The following ANKS1B variants were observed in gnomAD, a reference collection of about 807,000 sequenced individuals.
The protein encoded by ANKS1B is ankyrin repeat and sterile alpha motif domain-containing protein 1B.
In ANKS1B, 36 loss-of-function variants were observed where a neutral mutation model predicts 148.3. That is an observed-to-expected ratio of 0.24 (90% CI 0.19 to 0.32). The LOEUF (loss-of-function observed/expected upper bound fraction) is 0.32, where lower values mean the gene tolerates loss of function less well. Ranked by LOEUF, ANKS1B falls within the 10% of genes least tolerant of loss-of-function variation. The pLI, the probability that ANKS1B is intolerant of heterozygous loss-of-function variation, is 1.00. For missense variants in ANKS1B, 1,157 were observed against 1,542.6 expected (o/e 0.75, Z 4.19); for synonymous variants, 542 against 560.8 (o/e 0.97, Z 0.47).
intron 8 of ANKS1B, among the ~76,000 whole-genome samples, chr12:99,759,952 AC>A (rs139017551): frequency 0.45 from 67,487 of 151,340 alleles, 15,397 homozygotes; most frequent in South Asian, 0.61. Context: ...ATTAGAAAGA[AC>A]AAAAGTATCA....
At chr12:99,704,178 T>G (rs1357103543) in intron 8 of ANKS1B, among the ~76,000 whole-genome samples, 2 of 151,828 alleles carry the variant, frequency 1.3e-5, no homozygotes, top group Non-Finnish European at 2.9e-5. Flanking sequence ...CTCTGACAGG[T>G]GGGTTGGAGG....
chr12:99,725,589 A>AC (rs771055232), intron 8 of ANKS1B, among the ~76,000 whole-genome samples: 16 of 152,238 alleles, frequency 1.1e-4, no homozygotes, highest in Non-Finnish European at 2.1e-4. Context: ...AATATTGGAC[A>AC]CATCAATGAG....
intron 10 of ANKS1B, among the ~76,000 whole-genome samples, chr12:99,467,638 A>C (rs1051551657): frequency 1.3e-5 from 2 of 152,200 alleles, no homozygotes; most frequent in Non-Finnish European, 2.9e-5. Flanking sequence ...ATTCTTATAC[A>C]CCAATAACAG....
At chr12:99,304,361 G>T (rs889883709) in intron 12 of ANKS1B, among the ~76,000 whole-genome samples, 9 of 152,064 alleles carry the variant, frequency 5.9e-5, no homozygotes, top group African/African-American at 2.2e-4. Flanking sequence ...TCTTAACGCG[G>T]TAGTTCACAT....
At chr12:98,967,998 T>A (rs1314088958) in intron 17 of ANKS1B, among the ~76,000 whole-genome samples, 1 of 151,996 alleles carries the variant, frequency 6.6e-6, no homozygotes. Flanking sequence ...TGGAGACTAT[T>A]CAAGAGGGCA....
intron 9 of ANKS1B, among the ~76,000 whole-genome samples, chr12:99,527,243 G>C (rs2096935955): frequency 1.3e-5 from 2 of 152,010 alleles, no homozygotes; most frequent in African/African-American, 2.4e-5. Flanking sequence ...AAAAACTTTT[G>C]ATTAATCTCT....
intron 14 of ANKS1B, among the ~76,000 whole-genome samples, chr12:99,183,370 G>A (rs1288188806): frequency 6.6e-6 from 1 of 152,190 alleles, no homozygotes; most frequent in African/African-American, 2.4e-5. Flanking sequence ...GGTCTTAGGT[G>A]CAGTGGCTCA....
At chr12:99,063,719 TG>T (rs2043179349) in intron 16 of ANKS1B, among the ~76,000 whole-genome samples, 1 of 152,186 alleles carries the variant, frequency 6.6e-6, no homozygotes, top group Non-Finnish European at 1.5e-5. Context: ...GTGTTTTAGG[TG>T]ATCTTTAGGA....
At chr12:99,145,683 G>A (rs1312077311) in intron 15 of ANKS1B, among the ~76,000 whole-genome samples, 2 of 152,062 alleles carry the variant, frequency 1.3e-5, no homozygotes, top group African/African-American at 4.8e-5. Context: ...GTGCTTTGAG[G>A]GCAGGGCTAG....
intron 10 of ANKS1B, among the ~76,000 whole-genome samples, chr12:99,499,504 T>C (rs1305924651): frequency 6.6e-6 from 1 of 152,202 alleles, no homozygotes; most frequent in East Asian, 1.9e-4. Context: ...TTAACACTCC[T>C]TCATCAAGGG....
At chr12:99,255,761 T>C (rs1171612331) in intron 12 of ANKS1B, among the ~76,000 whole-genome samples, 2 of 152,198 alleles carry the variant, frequency 1.3e-5, no homozygotes, top group Non-Finnish European at 2.9e-5. Context: ...AATTCATAAA[T>C]ATATGGGGAT....
intron 11 of ANKS1B, among the ~76,000 whole-genome samples, chr12:99,410,648 A>C (rs2094668692): frequency 6.6e-6 from 1 of 152,188 alleles, no homozygotes; most frequent in East Asian, 1.9e-4. Context: ...CAGCCTGGGC[A>C]ACAGGGCAAG....
At chr12:99,427,677 T>A (rs1045418350) in intron 11 of ANKS1B, among the ~76,000 whole-genome samples, 9 of 152,228 alleles carry the variant, frequency 5.9e-5, no homozygotes, top group Non-Finnish European at 1.3e-4. Context: ...CTCTTTTGTC[T>A]TGCTCACTGT....
chr12:99,423,119 T>C (rs2095144574), intron 11 of ANKS1B, among the ~76,000 whole-genome samples: 1 of 152,150 alleles, frequency 6.6e-6, no homozygotes, highest in African/African-American at 2.4e-5. Context: ...TCAAAAGTCA[T>C]TAGGAAAGTT....
intron 14 of ANKS1B, among the ~76,000 whole-genome samples, chr12:99,211,887 A>G (rs188263175): frequency 3.4e-4 from 52 of 152,170 alleles, no homozygotes; most frequent in African/African-American, 1.1e-3. Context: ...CCTTCCAGGA[A>G]AACCCCAAAC....
chr12:99,405,388 AG>A (rs1388673876), intron 11 of ANKS1B, among the ~76,000 whole-genome samples: 1 of 145,960 alleles, frequency 6.9e-6, no homozygotes. Flanking sequence ...GTTAAAAAGT[AG>A]GGGGACAAAG....
chr12:99,202,697 A>T (rs2082207740), intron 14 of ANKS1B, among the ~76,000 whole-genome samples: 1 of 152,214 alleles, frequency 6.6e-6, no homozygotes, highest in South Asian at 2.1e-4. Context: ...TGTTTCAGTT[A>T]TCTATTGCTG....
At chr12:99,095,995 A>G (rs2055952179) in intron 15 of ANKS1B, among the ~76,000 whole-genome samples, 1 of 152,202 alleles carries the variant, frequency 6.6e-6, no homozygotes, top group Non-Finnish European at 1.5e-5. Flanking sequence ...AGTGGGTTTC[A>G]GCTTATAATT....
chr12:99,594,494 G>T (rs3851627), intron 9 of ANKS1B, among the ~76,000 whole-genome samples: 64,444 of 151,768 alleles, frequency 0.42, 15,021 homozygotes, highest in East Asian at 0.63. Flanking sequence ...CATCAGAAAA[G>T]GTGATACACA....
Sources: gnomAD v4.1 joint callset for allele counts (sites outside exome capture counted in the v4.1 genomes callset) on GRCh38, gnomAD v4.1.1 for gene constraint, MANE v1.5 for transcripts, NCBI Gene and HGNC (gene_info 2026-07-23, HGNC 2026-07-21) for gene names.